Variants in GRID2 observed in about 807,000 individuals in gnomAD.
The protein encoded by GRID2 is glutamate receptor ionotropic, delta-2.
GRID2 carries 33 observed loss-of-function variants against 114.8 expected under a neutral mutation model. The ratio of observed to expected loss-of-function variants is 0.29; its 90% CI spans 0.22 to 0.38. The LOEUF (loss-of-function observed/expected upper bound fraction) is 0.38. Among genes scored for constraint, GRID2 ranks in the 10% least tolerant of loss-of-function variants. The probability of loss-of-function intolerance (pLI) is 1.00; values close to 1 mark genes in which losing one functional copy is unlikely to be tolerated. For synonymous variants in GRID2, 505 were observed against 449.9 expected, an observed-to-expected ratio of 1.12 and a Z score of -1.55; for missense variants, 1,184 against 1,257.7, an observed-to-expected ratio of 0.94 and a Z score of 0.89.
chr4:93,198,195 A>G (rs1741698087), intron 4 of GRID2, among the ~76,000 whole-genome samples: 1 of 152,202 alleles, frequency 6.6e-6, no homozygotes, highest in Non-Finnish European at 1.5e-5. Context: ...CCAGTGACCA[A>G]AATGAAGTCC....
At chr4:93,395,396 T>C (rs1007621061) in intron 8 of GRID2, among the ~76,000 whole-genome samples, 2 of 152,002 alleles carry the variant, frequency 1.3e-5, no homozygotes, top group Non-Finnish European at 1.5e-5. Flanking sequence ...CTAAAGCACA[T>C]TGGGTACTGT....
intron 1 of GRID2, among the ~76,000 whole-genome samples, chr4:92,355,953 G>C (rs1728296714): frequency 6.7e-6 from 1 of 150,254 alleles, no homozygotes; most frequent in Non-Finnish European, 1.5e-5. Context: ...GATTGTTGAA[G>C]GAGAAAAAAA....
chr4:93,273,010 C>A (rs1751642487), intron 8 of GRID2, among the ~76,000 whole-genome samples: 1 of 152,190 alleles, frequency 6.6e-6, no homozygotes. Flanking sequence ...CTTTGTAGTT[C>A]ACTCTGCCTT....
chr4:93,462,940 A>G (rs983315958), intron 11 of GRID2, among the ~76,000 whole-genome samples: 3 of 152,190 alleles, frequency 2.0e-5, no homozygotes, highest in Non-Finnish European at 2.9e-5. Context: ...TCCCCATGAC[A>G]GGTTAACTCG....
intron 13 of GRID2, among the ~76,000 whole-genome samples, chr4:93,614,182 C>A (rs1469527414): frequency 6.6e-6 from 1 of 152,186 alleles, no homozygotes. Flanking sequence ...GCGCACGGTG[C>A]GTGCACCCAC....
chr4:92,650,236 A>G (rs1309759274), intron 2 of GRID2, among the ~76,000 whole-genome samples: 1 of 152,068 alleles, frequency 6.6e-6, no homozygotes, highest in Non-Finnish European at 1.5e-5. Flanking sequence ...TCATTCGGTT[A>G]TAGCTGGTAT....
intron 2 of GRID2, among the ~76,000 whole-genome samples, chr4:92,644,055 CA>C (rs1246753189): frequency 2.0e-5 from 3 of 151,556 alleles, no homozygotes; most frequent in Non-Finnish European, 4.4e-5. Context: ...CAAAAATCTA[CA>C]ACTAGATCTG....
At chr4:93,719,415 A>G (rs1270384951) in intron 14 of GRID2, among the ~76,000 whole-genome samples, 6 of 151,668 alleles carry the variant, frequency 4.0e-5, no homozygotes, top group African/African-American at 1.5e-4. Flanking sequence ...TTTTTTTTTT[A>G]AGGAGAAAAC....
intron 8 of GRID2, among the ~76,000 whole-genome samples, chr4:93,340,216 T>G: frequency 6.7e-6 from 1 of 150,248 alleles, no homozygotes; most frequent in Non-Finnish European, 1.5e-5. Context: ...CATAATTTGA[T>G]AACTTCAACC....
At chr4:92,635,666 A>G (rs958313593) in intron 2 of GRID2, among the ~76,000 whole-genome samples, 12 of 152,100 alleles carry the variant, frequency 7.9e-5, no homozygotes, top group African/African-American at 2.7e-4. Flanking sequence ...AATCCTTACA[A>G]AAATATATAC....
chr4:93,100,970 C>T (rs1731641504), intron 3 of GRID2, among the ~76,000 whole-genome samples: 1 of 151,982 alleles, frequency 6.6e-6, no homozygotes, highest in Non-Finnish European at 1.5e-5. Flanking sequence ...CAGGATACCT[C>T]TATCTGTAAT....
chr4:93,710,955 A>G (rs1292357205), intron 14 of GRID2, among the ~76,000 whole-genome samples: 2 of 151,984 alleles, frequency 1.3e-5, no homozygotes, highest in East Asian at 3.9e-4. Flanking sequence ...GAATCTTGCC[A>G]GGACTGAATC....
At chr4:93,630,988 C>T (rs1203150579) in intron 14 of GRID2, among the ~76,000 whole-genome samples, 3 of 152,048 alleles carry the variant, frequency 2.0e-5, no homozygotes, top group Admixed American at 1.3e-4. Flanking sequence ...CATAATAACC[C>T]GTGAGGTAAA....
intron 2 of GRID2, among the ~76,000 whole-genome samples, chr4:92,879,085 T>C (rs1937442302): frequency 1.3e-5 from 2 of 152,202 alleles, no homozygotes; most frequent in Non-Finnish European, 2.9e-5. Flanking sequence ...TAGAATTGTA[T>C]GTATATTCTA....
chr4:93,395,207 A>G (rs1765214250), intron 8 of GRID2, among the ~76,000 whole-genome samples: 1 of 152,036 alleles, frequency 6.6e-6, no homozygotes, highest in South Asian at 2.1e-4. Context: ...AAAGCCATAT[A>G]AGATCAAATT....
chr4:93,049,304 C>A (rs965703301), intron 2 of GRID2, among the ~76,000 whole-genome samples: 4 of 151,880 alleles, frequency 2.6e-5, no homozygotes, highest in Non-Finnish European at 4.4e-5. Context: ...AAATGCAAGA[C>A]CCTCATAAAC....
At chr4:93,502,381 A>C (rs1464739198) in intron 12 of GRID2, among the ~76,000 whole-genome samples, 1 of 152,060 alleles carries the variant, frequency 6.6e-6, no homozygotes, top group Non-Finnish European at 1.5e-5. Flanking sequence ...CAACTATACC[A>C]ATGAGATATC....
intron 2 of GRID2, among the ~76,000 whole-genome samples, chr4:92,637,339 A>G (rs1731117384): frequency 6.6e-6 from 1 of 152,098 alleles, no homozygotes; most frequent in Non-Finnish European, 1.5e-5. Flanking sequence ...GGAAGAAGTT[A>G]TAAGCAGTAT....
rs987965887 is a variant in GRID2 at position 93,042,669 on chromosome 4, C to A, written c.245-42326C>A. On this transcript the variant is annotated intron_variant, in intron 2 of 15. Coordinates refer to ENST00000282020, the MANE Select transcript of GRID2 (RefSeq NM_001510.4). The stretch of plus-strand genomic sequence containing the variant: ...TCTATCTCTATATTTCTATCTCTCT[C>A]TCTATATATCTATATATATATGCAT... Among the ~76,000 whole-genome samples the A allele has an allele frequency of 6.3e-5, 9 of 143,324 alleles. No homozygotes were observed. In the South Asian group the frequency reaches 6.6e-4, roughly 11 times the overall value. 94.0% of individuals were successfully genotyped at this position (143,324 alleles called of 152,430 possible). A position where few individuals can be genotyped will look rare whatever the true frequency, so the allele number is the denominator to read the frequency against.
Sources: allele counts gnomAD v4.1 joint callset (sites outside exome capture counted in the v4.1 genomes callset), GRCh38; gene constraint gnomAD v4.1.1; transcripts MANE v1.5; gene names NCBI Gene and HGNC (gene_info 2026-07-23, HGNC 2026-07-21).